Variants in DST observed in about 807,000 individuals in gnomAD.
DST encodes the protein dystonin.
A neutral mutation model predicts 875.2 loss-of-function variants in DST; 253 were observed. The ratio of observed to expected loss-of-function variants is 0.29; its 90% CI spans 0.26 to 0.32. DST has a LOEUF of 0.32. Ranked by LOEUF, DST falls within the 10% of genes least tolerant of loss-of-function variation. The pLI, the probability that DST is intolerant of heterozygous loss-of-function variation, is 1.00. For missense variants in DST, 8,287 were observed against 9,111.6 expected (o/e 0.91, Z 3.68); for synonymous variants, 3,124 against 3,197.1 (o/e 0.98, Z 0.77).
intron 2 of DST, among the ~76,000 whole-genome samples, chr6:56,925,985 T>C (rs1806864038): frequency 6.6e-6 from 1 of 152,214 alleles, no homozygotes; most frequent in African/African-American, 2.4e-5. Flanking sequence ...TGAAACTGTC[T>C]TTCTGACTTA....
At chr6:56,783,927 C>CA (rs1382401397) in intron 4 of DST, among the ~76,000 whole-genome samples, 1 of 152,106 alleles carries the variant, frequency 6.6e-6, no homozygotes. Flanking sequence ...CTGGTGGTGA[C>CA]AAAATCTCTC....
Position 56,635,585 on chromosome 6 carries a change from G to T in DST, c.3186+4C>A. On this transcript the variant is annotated splice_donor_region_variant and intron_variant, in intron 24 of 103. Coordinates refer to ENST00000680361, the MANE Select transcript of DST (RefSeq NM_001374736.1). ...TATAAAATGCATAGGTTTTGTATTA[G>T]TACCATTGATTCCTGAACAAGGTCT... 6.2e-6 allele frequency: 10 copies of T among 1,613,754 alleles called. No individual in the cohort carries two copies. The highest frequency in any genetic ancestry group is 8.5e-6 in the Non-Finnish European group (10 of 1,179,788).
chr6:56,463,936 C>A, intron 100 of DST, 172 bp from the exon 101 acceptor site: 1 of 749,908 alleles, frequency 1.3e-6, no homozygotes, highest in Non-Finnish European at 2.4e-6. Flanking sequence ...AAATGCATTC[C>A]TTTACAATGC....
intron 5 of DST, among the ~76,000 whole-genome samples, chr6:56,708,746 G>T (rs1340683238): frequency 6.6e-6 from 1 of 152,170 alleles, no homozygotes; most frequent in Non-Finnish European, 1.5e-5. Flanking sequence ...GGTCGGGAAT[G>T]AACTGAGGGG....
intron 61 of DST, among the ~76,000 whole-genome samples, chr6:56,546,583 G>A (rs1268679233): frequency 6.6e-6 from 1 of 151,568 alleles, no homozygotes; most frequent in Non-Finnish European, 1.5e-5. Flanking sequence ...AATAGGATCT[G>A]TGAGCACAGA....
chr6:56,618,424 CTT>C (rs759559819), intron 36 of DST: 6 of 1,614,112 alleles, frequency 3.7e-6, no homozygotes, highest in Non-Finnish European at 5.1e-6. Context: ...TGGCTGTGCT[CTT>C]TTTTTGAATT....
intron 50 of DST, among the ~76,000 whole-genome samples, chr6:56,574,536 TAATTG>T (rs2097835471): frequency 2.0e-5 from 3 of 152,096 alleles, no homozygotes; most frequent in Admixed American, 1.3e-4. Context: ...AAATATACAC[TAATTG>T]AATTTATTTA....
intron 38 of DST, among the ~76,000 whole-genome samples, chr6:56,611,221 A>T (rs1480299976): frequency 6.6e-6 from 1 of 152,104 alleles, no homozygotes; most frequent in Non-Finnish European, 1.5e-5. Flanking sequence ...TTAAGACTTG[A>T]CTCGGAGTCT....
rs539744438 is a variant in DST at position 56,562,781 on chromosome 6, C to T, written c.14006-581G>A. On this transcript the variant is annotated intron_variant, in intron 55 of 103. Coordinates refer to ENST00000680361, the MANE Select transcript of DST (RefSeq NM_001374736.1). Reference sequence around the variant, plus strand: ...AGGCCCCGGTGTGTAATGTTCCCATCCCCGTATCCATGTGTTCTCATTGTT... The same window carrying T: ...AGGCCCCGGTGTGTAATGTTCCCATTCCCGTATCCATGTGTTCTCATTGTT... Among the ~76,000 whole-genome samples, 261 of 151,066 alleles carry T rather than the reference C, an allele frequency of 1.7e-3. 1 individual carries two copies. Among genetic ancestry groups the T allele is most frequent in the Non-Finnish European group, 2.7e-3 (184 of 67,808 alleles).
intron 85 of DST, among the ~76,000 whole-genome samples, chr6:56,491,087 T>C (rs535497901): frequency 6.6e-6 from 1 of 152,332 alleles, no homozygotes. Context: ...TGAGAATTAA[T>C]ACTGTCTTAA....
chr6:56,558,254 T>A (rs1029708620), intron 58 of DST, among the ~76,000 whole-genome samples: 4 of 152,158 alleles, frequency 2.6e-5, no homozygotes, highest in Admixed American at 6.5e-5. Flanking sequence ...TTATTTGTAT[T>A]TTTTACATTG....
At chr6:56,509,572 T>A (rs988077752) in intron 74 of DST, 70 bp downstream of exon 74, 1 of 1,193,912 alleles carries the variant, frequency 8.4e-7, no homozygotes. Context: ...GTTATCCAAT[T>A]GGACGGTGAG....
intron 72 of DST, 65 bp from the exon 73 acceptor site, chr6:56,511,465 C>T (rs908101847): frequency 1.3e-5 from 17 of 1,347,962 alleles, no homozygotes; most frequent in South Asian, 2.5e-5. Context: ...GCTGTCTACA[C>T]CTGCAATGCA....
At position 56,482,580 on chromosome 6, in the gene DST, C is replaced by CT. The variant is rs2095437102; in HGVS notation, c.21402+102dup. ...TTAGAATTTCCTTCTTCAGACTGTC[C>CT]TGATTGAGACACGAGGGCCTCACAA... On this transcript the variant is annotated intron_variant, in intron 89 of 103. Transcript: ENST00000680361. 34 of 1,177,838 alleles carry CT rather than the reference C, an allele frequency of 2.9e-5. No homozygotes were observed. The South Asian group carries it at 5.3e-4, about 19-fold the overall frequency. The allele number at this position is 1,177,838 out of a possible 1,614,324, so 73.0% of individuals were successfully genotyped here. A position where few individuals can be genotyped will look rare whatever the true frequency, so the allele number is the denominator to read the frequency against.
rs930002898 is a variant in DST at position 56,928,007 on chromosome 6, G to A, written c.216+25778C>T. ...AGCTGGGGCTCAGACCTGTGAGAAGGGGGCACTGCTCAGCTGCTCAGCTGC... is the reference window on the plus strand; with the variant it reads ...AGCTGGGGCTCAGACCTGTGAGAAGAGGGCACTGCTCAGCTGCTCAGCTGC... On this transcript the variant is annotated intron_variant, in intron 2 of 103. Coordinates refer to ENST00000680361, the MANE Select transcript of DST (RefSeq NM_001374736.1). Among the ~76,000 whole-genome samples, 7 of 152,242 alleles carry A rather than the reference G, an allele frequency of 4.6e-5. No individual in the cohort carries two copies. In the South Asian group the frequency reaches 6.2e-4, roughly 14 times the overall value.
chr6:56,502,360 G>C (rs1291523164), intron 78 of DST, among the ~76,000 whole-genome samples: 1 of 152,092 alleles, frequency 6.6e-6, no homozygotes, highest in Non-Finnish European at 1.5e-5. Context: ...TTCATGGCTA[G>C]AAGTCCCTTA....
At chr6:56,751,578 T>G (rs1357344198) in intron 4 of DST, among the ~76,000 whole-genome samples, 1 of 152,178 alleles carries the variant, frequency 6.6e-6, no homozygotes, top group African/African-American at 2.4e-5. Context: ...GGGTTAAAGC[T>G]GCAATCCCAG....
chr6:56,818,237 T>C (rs2099768922), intron 4 of DST, among the ~76,000 whole-genome samples: 1 of 152,118 alleles, frequency 6.6e-6, no homozygotes, highest in Admixed American at 6.6e-5. Context: ...CTAATACAAT[T>C]TCCTTCTAGG....
chr6:56,930,948 G>T (rs1410152542), intron 2 of DST, among the ~76,000 whole-genome samples: 1 of 152,256 alleles, frequency 6.6e-6, no homozygotes, highest in Non-Finnish European at 1.5e-5. Context: ...GAAAGAGAAG[G>T]TTATATACAC....
Sources: allele counts gnomAD v4.1 joint callset (sites outside exome capture counted in the v4.1 genomes callset), GRCh38; gene constraint gnomAD v4.1.1; transcripts MANE v1.5; gene names NCBI Gene and HGNC (gene_info 2026-07-23, HGNC 2026-07-21).